The following LRRC1 variants were observed in gnomAD, a reference collection of about 807,000 sequenced individuals.
The protein encoded by LRRC1 is leucine rich repeat containing 1.
LRRC1 carries 28 observed loss-of-function variants against 69.9 expected under a neutral mutation model. That is an observed-to-expected ratio of 0.40 (90% confidence interval 0.30 to 0.55). The LOEUF is 0.55. Among genes scored for constraint, LRRC1 ranks in the 20% least tolerant of loss-of-function variants. LRRC1 has a pLI of 0.47. For missense variants in LRRC1, 498 were observed against 609.0 expected (o/e 0.82, Z 1.92); for synonymous variants, 236 against 240.2 (o/e 0.98, Z 0.16).
chr6:53,897,705 A>G (rs1158276404), intron 7 of LRRC1, among the ~76,000 whole-genome samples: 1 of 152,206 alleles, frequency 6.6e-6, no homozygotes, highest in African/African-American at 2.4e-5. Context: ...CCGCCACTCC[A>G]TGATGTGCCA....
At chr6:53,806,717 A>G (rs1037273771) in intron 1 of LRRC1, among the ~76,000 whole-genome samples, 1 of 152,214 alleles carries the variant, frequency 6.6e-6, no homozygotes, top group African/African-American at 2.4e-5. Flanking sequence ...CCACAAATCT[A>G]GGCTTAATCA....
At chr6:53,814,692 G>A (rs369170147) in intron 1 of LRRC1, among the ~76,000 whole-genome samples, 2 of 152,198 alleles carry the variant, frequency 1.3e-5, no homozygotes, top group Admixed American at 6.5e-5. Flanking sequence ...TTAAGCTAAC[G>A]TTAAATTTTC....
chr6:53,800,208 G>C (rs1164055357), intron 1 of LRRC1, among the ~76,000 whole-genome samples: 1 of 149,708 alleles, frequency 6.7e-6, no homozygotes, highest in Non-Finnish European at 1.5e-5. Context: ...TCTGGATACT[G>C]TGGCAAGATC....
At chr6:53,838,348 A>G (rs1436231451) in intron 1 of LRRC1, among the ~76,000 whole-genome samples, 4 of 152,230 alleles carry the variant, frequency 2.6e-5, no homozygotes, top group Admixed American at 2.0e-4. Context: ...TGCTGGTAAC[A>G]TGCAGAACCA....
rs139871643 is a variant in LRRC1, at chr6:53,865,871, G to A, written c.278-13122G>A. ...TGAGTAGCTGGGATTACAGGCACGC[G>A]CCACCATGCCCAGCTAATTTTTGTA... On this transcript the variant is annotated intron_variant, in intron 2 of 13. Transcript: ENST00000370888. 1.4e-3 allele frequency among the ~76,000 whole-genome samples: 212 copies of A among 151,746 alleles called. 3 individuals are homozygous for A. Among genetic ancestry groups the A allele is most frequent in the African/African-American group, 4.7e-3 (193 of 41,260 alleles).
At chr6:53,896,991 C>A in intron 6 of LRRC1, 99 bp downstream of exon 6, 1 of 781,028 alleles carries the variant, frequency 1.3e-6, no homozygotes, top group Non-Finnish European at 2.2e-6. Flanking sequence ...GCCAGTATTT[C>A]CACAGATGTA....
chr6:53,840,625 A>G (rs1765751507), intron 1 of LRRC1, among the ~76,000 whole-genome samples: 1 of 150,720 alleles, frequency 6.6e-6, no homozygotes, highest in Non-Finnish European at 1.5e-5. Flanking sequence ...CCACTTTCCC[A>G]TCTTTTTGTC....
At chr6:53,851,357 G>C (rs890394022) in intron 2 of LRRC1, among the ~76,000 whole-genome samples, 7 of 152,140 alleles carry the variant, frequency 4.6e-5, no homozygotes, top group Non-Finnish European at 1.0e-4. Flanking sequence ...TGTAATTCCA[G>C]TCTGAGTCTG....
chr6:53,835,246 A>G (rs1019577666), intron 1 of LRRC1, among the ~76,000 whole-genome samples: 6 of 152,200 alleles, frequency 3.9e-5, no homozygotes, highest in African/African-American at 1.4e-4. Context: ...TCCATTTCCT[A>G]GGCAACTGCT....
intron 2 of LRRC1, among the ~76,000 whole-genome samples, chr6:53,876,075 T>G (rs1767058067): frequency 6.6e-6 from 1 of 152,158 alleles, no homozygotes; most frequent in African/African-American, 2.4e-5. Flanking sequence ...ACTGGGCAAT[T>G]TAAGACAGAA....
At chr6:53,897,143 A>G (rs972339173) in intron 6 of LRRC1, 142 bp from the exon 7 acceptor site, 11 of 652,010 alleles carry the variant, frequency 1.7e-5, no homozygotes, top group Non-Finnish European at 2.6e-5. Flanking sequence ...CTTTGAGGAA[A>G]GGGGCTGGAT....
chr6:53,802,301 G>A (rs1036769215), intron 1 of LRRC1, among the ~76,000 whole-genome samples: 3 of 152,138 alleles, frequency 2.0e-5, no homozygotes, highest in African/African-American at 7.2e-5. Context: ...CAGTGGTTTA[G>A]GCCAGAGGAA....
chr6:53,916,509 G>T (rs1319090894), intron 11 of LRRC1, among the ~76,000 whole-genome samples: 1 of 151,762 alleles, frequency 6.6e-6, no homozygotes, highest in Admixed American at 6.6e-5. Context: ...CATTTTGGTG[G>T]GGTTTTTTTC....
chr6:53,874,474 C>T (rs1022111322), intron 2 of LRRC1, among the ~76,000 whole-genome samples: 1 of 151,928 alleles, frequency 6.6e-6, no homozygotes, highest in Non-Finnish European at 1.5e-5. Flanking sequence ...TAAACTAGGA[C>T]CATAGTGTTT....
intron 9 of LRRC1, among the ~76,000 whole-genome samples, chr6:53,903,888 G>A (rs12198481): frequency 6.6e-6 from 1 of 152,248 alleles, no homozygotes; most frequent in Non-Finnish European, 1.5e-5. Context: ...GGTTCTGGTA[G>A]AGCTCTGCTC....
chr6:53,900,020 G>GTTTTT (rs869246243), intron 8 of LRRC1, 129 bp downstream of exon 8: 49 of 190,418 alleles, frequency 2.6e-4, no homozygotes, highest in African/African-American at 1.2e-3. Flanking sequence ...TCTCCTTACT[G>GTTTTT]TTTTTTTTTT....
chr6:53,902,547 G>A (rs1768093702), intron 8 of LRRC1, 82 bp from the exon 9 acceptor site: 1 of 804,288 alleles, frequency 1.2e-6, no homozygotes, highest in East Asian at 2.6e-5. Context: ...AAAAAGAACA[G>A]CAGATAGGAA....
intron 4 of LRRC1, among the ~76,000 whole-genome samples, chr6:53,887,010 G>C (rs1332653695): frequency 6.6e-6 from 1 of 152,156 alleles, no homozygotes; most frequent in African/African-American, 2.4e-5. Context: ...CACGTGACAA[G>C]GTACAGAGTA....
At chr6:53,835,888 T>C (rs1321626917) in intron 1 of LRRC1, among the ~76,000 whole-genome samples, 1 of 152,208 alleles carries the variant, frequency 6.6e-6, no homozygotes, top group Non-Finnish European at 1.5e-5. Flanking sequence ...TAACATGATT[T>C]TTGCCATTCC....
Sources: gnomAD v4.1 joint callset for allele counts (sites outside exome capture counted in the v4.1 genomes callset) on GRCh38, gnomAD v4.1.1 for gene constraint, MANE v1.5 for transcripts, NCBI Gene and HGNC (gene_info 2026-07-23, HGNC 2026-07-21) for gene names.